The following CSMD3 variants were observed in gnomAD, a reference collection of about 807,000 sequenced individuals.
CSMD3 encodes CUB and Sushi multiple domains 3, also known as CUB and sushi domain-containing protein 3.
In CSMD3, 177 loss-of-function variants were observed where a neutral mutation model predicts 435.2. That is an observed-to-expected ratio of 0.41 (90% CI 0.36 to 0.46). The LOEUF (loss-of-function observed/expected upper bound fraction) is 0.46, where lower values mean the gene tolerates loss of function less well. Among genes scored for constraint, CSMD3 ranks in the 20% least tolerant of loss-of-function variants. The pLI is 0.34. For synonymous variants in CSMD3, 1,656 were observed against 1,520.5 expected (o/e 1.09, Z -2.07); for missense variants, 4,265 against 4,504.6 (o/e 0.95, Z 1.52).
chr8:112,260,967 A>T (rs940640088), intron 61 of CSMD3, among the ~76,000 whole-genome samples: 2 of 152,190 alleles, frequency 1.3e-5, no homozygotes, highest in Admixed American at 1.3e-4. Flanking sequence ...AGTTATTTTT[A>T]AAAATCATAT....
chr8:112,453,811 C>T (rs573836821), intron 32 of CSMD3, among the ~76,000 whole-genome samples: 81 of 152,140 alleles, frequency 5.3e-4, no homozygotes, highest in African/African-American at 1.9e-3. Flanking sequence ...TAAAGCAATC[C>T]TAAGCAAAAA....
chr8:112,389,863 A>G (rs1310248663), intron 36 of CSMD3, among the ~76,000 whole-genome samples: 1 of 152,216 alleles, frequency 6.6e-6, no homozygotes, highest in Non-Finnish European at 1.5e-5. Context: ...GAAAAAATAT[A>G]TATCTTTATG....
rs1251660410 is a variant in CSMD3, at chr8:112,440,359, C to T, written c.5396-31327G>A. The stretch of plus-strand genomic sequence containing the variant: ...TTCCCATATCCCTGGGCAGCTCTGC[C>T]TCTGTAGATCTGCAGGGTATAGCCA... On this transcript the variant is annotated intron_variant, in intron 32 of 70. Transcript: ENST00000297405. 3.3e-5 allele frequency among the ~76,000 whole-genome samples: 5 copies of T among 152,284 alleles called. No homozygotes were observed. In the East Asian group the frequency reaches 5.8e-4, roughly 18 times the overall value.
At chr8:113,375,879 A>C (rs984148295) in intron 1 of CSMD3, among the ~76,000 whole-genome samples, 32 of 152,198 alleles carry the variant, frequency 2.1e-4, no homozygotes, top group Non-Finnish European at 4.1e-4. Context: ...AAAACTTAAA[A>C]TAAGTATCAG....
chr8:113,052,844 A>G (rs537413011), intron 5 of CSMD3, among the ~76,000 whole-genome samples: 29 of 152,332 alleles, frequency 1.9e-4, no homozygotes, highest in African/African-American at 6.7e-4. Flanking sequence ...GTATTAGAGC[A>G]TGTGGATTTT....
In CSMD3 at chr8:113,206,319, A is replaced by G. The variant is rs75741453; in HGVS notation, c.515-32403T>C. Among the ~76,000 whole-genome samples the G allele has an allele frequency of 9.0e-3, 1,376 of 152,284 alleles. 14 individuals carry two copies. Among genetic ancestry groups the G allele is most frequent in the African/African-American group, 0.032 (1,326 of 41,564 alleles). ...GGCTTTACTACCATTGCCATCCATC[A>G]AAATTCTATACTCTTTTTCCATTTA... On this transcript the variant is annotated intron_variant, in intron 3 of 70. Coordinates refer to ENST00000297405, the MANE Select transcript of CSMD3 (RefSeq NM_198123.2).
intron 1 of CSMD3, among the ~76,000 whole-genome samples, chr8:113,408,476 T>A (rs1243056231): frequency 6.6e-6 from 1 of 152,108 alleles, no homozygotes; most frequent in Non-Finnish European, 1.5e-5. Flanking sequence ...GTTTTTCAAT[T>A]AAGTAATATA....
chr8:112,235,873 T>C (rs927991490), intron 67 of CSMD3, among the ~76,000 whole-genome samples: 3 of 152,072 alleles, frequency 2.0e-5, no homozygotes, highest in Admixed American at 6.6e-5. Flanking sequence ...TGTCTTTCCA[T>C]ATATATAGAA....
chr8:113,055,397 A>C (rs2088280651), intron 5 of CSMD3, among the ~76,000 whole-genome samples: 1 of 152,152 alleles, frequency 6.6e-6, no homozygotes, highest in Non-Finnish European at 1.5e-5. Flanking sequence ...TTTTCACAAA[A>C]TTTGATAACT....
intron 9 of CSMD3, among the ~76,000 whole-genome samples, chr8:112,944,371 C>A (rs922700064): frequency 6.6e-6 from 1 of 151,594 alleles, no homozygotes; most frequent in Non-Finnish European, 1.5e-5. Flanking sequence ...TTTTCTCCTA[C>A]AAAATTATGT....
chr8:112,793,691 G>A (rs948092994), intron 13 of CSMD3, among the ~76,000 whole-genome samples: 1 of 152,090 alleles, frequency 6.6e-6, no homozygotes, highest in Non-Finnish European at 1.5e-5. Flanking sequence ...AGTGAGGTAC[G>A]GAAATAGCTG....
In CSMD3 at chr8:112,777,913, A is replaced by C. The variant is rs1275320931; in HGVS notation, c.1972+22249T>G. Among the ~76,000 whole-genome samples, 5 of 151,872 alleles carry C rather than the reference A, an allele frequency of 3.3e-5. No homozygotes were observed. The East Asian group carries it at 9.6e-4, about 29-fold the overall frequency. ...CCATGGAAATTGAGTAGTAGACTAA[A>C]TCAGAAAATCATATTAAATATATCA... On this transcript the variant is annotated intron_variant, in intron 13 of 70. Coordinates refer to ENST00000297405, the MANE Select transcript of CSMD3 (RefSeq NM_198123.2).
chr8:113,047,015 G>A (rs1253731708), intron 5 of CSMD3, among the ~76,000 whole-genome samples: 3 of 152,156 alleles, frequency 2.0e-5, no homozygotes, highest in African/African-American at 7.2e-5. Context: ...CCAAGGCCAG[G>A]GTATACACCA....
chr8:112,392,864 C>CTTTT (rs56809581), intron 35 of CSMD3, among the ~76,000 whole-genome samples: 3 of 122,164 alleles, frequency 2.5e-5, no homozygotes, highest in Admixed American at 8.8e-5. Context: ...TCTTTTTTTT[C>CTTTT]TTTTTTTTTT....
intron 32 of CSMD3, among the ~76,000 whole-genome samples, chr8:112,470,280 A>G (rs949734521): frequency 6.6e-6 from 1 of 152,168 alleles, no homozygotes; most frequent in Non-Finnish European, 1.5e-5. Context: ...CCAATAATGC[A>G]TGTCATTTAA....
At chr8:113,044,116 C>T (rs754029886) in intron 5 of CSMD3, among the ~76,000 whole-genome samples, 23 of 151,940 alleles carry the variant, frequency 1.5e-4, no homozygotes, top group Non-Finnish European at 3.1e-4. Context: ...GTTTCCATCA[C>T]TAAATTCTTC....
At chr8:112,620,216 T>C (rs926242411) in intron 22 of CSMD3, among the ~76,000 whole-genome samples, 39 of 152,134 alleles carry the variant, frequency 2.6e-4, no homozygotes, top group Admixed American at 2.6e-3. Context: ...TGGATCTTGA[T>C]TTAGTTCCTA....
intron 10 of CSMD3, among the ~76,000 whole-genome samples, chr8:112,916,581 T>G (rs1255911691): frequency 6.6e-6 from 1 of 151,956 alleles, no homozygotes; most frequent in Non-Finnish European, 1.5e-5. Context: ...TTATGCATCA[T>G]TTCATCTGTA....
At chr8:112,819,165 C>A (rs553504578) in intron 12 of CSMD3, among the ~76,000 whole-genome samples, 1 of 151,908 alleles carries the variant, frequency 6.6e-6, no homozygotes, top group African/African-American at 2.4e-5. Flanking sequence ...GTTTGCAGGG[C>A]GGGTGGACCG....
Sources: allele counts gnomAD v4.1 joint callset (sites outside exome capture counted in the v4.1 genomes callset), GRCh38; gene constraint gnomAD v4.1.1; transcripts MANE v1.5; gene names NCBI Gene and HGNC (gene_info 2026-07-23, HGNC 2026-07-21).